JMJD1C: variants seen among roughly 807,000 people sequenced by gnomAD.
JMJD1C encodes the protein jumonji domain-containing protein 1C.
In JMJD1C, 31 loss-of-function variants were observed where a neutral mutation model predicts 245.3. The observed-to-expected ratio is 0.13, with a 90% CI of 0.09 to 0.17. JMJD1C has a LOEUF of 0.17. Among genes scored for constraint, JMJD1C ranks in the 10% least tolerant of loss-of-function variants. JMJD1C has a pLI of 1.00. For missense variants in JMJD1C, 2,691 were observed against 3,000.2 expected (o/e 0.90, Z 2.41); for synonymous variants, 1,057 against 1,017.4 (o/e 1.04, Z -0.74).
intron 16 of JMJD1C, among the ~76,000 whole-genome samples, chr10:63,191,999 A>AAC (rs1844879201): frequency 2.0e-5 from 3 of 150,218 alleles, no homozygotes; most frequent in African/African-American, 7.3e-5. Flanking sequence ...AAAAAAAAAA[A>AAC]AAAAAAAAAA....
intron 3 of JMJD1C, among the ~76,000 whole-genome samples, chr10:63,255,013 CCTG>C (rs1190743771): frequency 2.0e-5 from 3 of 151,906 alleles, no homozygotes; most frequent in Non-Finnish European, 4.4e-5. Flanking sequence ...ACCACCATGC[CCTG>C]CTAATTTTAT....
At chr10:63,218,394 T>C (rs996994568) in intron 4 of JMJD1C, among the ~76,000 whole-genome samples, 2 of 152,134 alleles carry the variant, frequency 1.3e-5, no homozygotes, top group Admixed American at 6.5e-5. Context: ...AAAGTGAAGA[T>C]GTTGACTGGC....
intron 2 of JMJD1C, among the ~76,000 whole-genome samples, chr10:63,333,202 C>T (rs576616763): frequency 2.6e-5 from 4 of 151,950 alleles, no homozygotes; most frequent in African/African-American, 9.7e-5. Context: ...ATTTTTAAAA[C>T]AAATCACATA....
At chr10:63,387,466 GAC>G (rs1175735657) in intron 1 of JMJD1C, among the ~76,000 whole-genome samples, 4 of 151,440 alleles carry the variant, frequency 2.6e-5, no homozygotes, top group Non-Finnish European at 5.9e-5. Flanking sequence ...TCACCAAAGA[GAC>G]AGCATAAAAA....
chr10:63,189,422 G>A lies in JMJD1C; in HGVS notation c.6316C>T (p.Pro2106Ser). The A allele has an allele frequency of 6.2e-7, 1 of 1,612,788 alleles. No homozygotes were observed. The highest frequency in any genetic ancestry group is 8.5e-7 in the Non-Finnish European group (1 of 1,179,604). ...GCAATTATGTCATCAAGAATGTTAG[G>A]CATAGTCCGTCCACTTTTGCTACTC... ...APSSKSGRTMPNILDDIIASV... is the reference protein window; with the variant it reads ...APSSKSGRTMSNILDDIIASV... Residue 2106 changes from proline (P) to serine (S), a missense_variant, in exon 18 of 26, where the codon CCT becomes TCT. Physicochemically the swap from Pro to Ser is moderately conservative, Grantham distance 74. This residue lies in a region of JMJD1C where 275 missense variants were observed against 285.5 expected (regional missense o/e 0.96). Coordinates refer to ENST00000399262, the MANE Select transcript of JMJD1C (RefSeq NM_032776.3).
intron 2 of JMJD1C, among the ~76,000 whole-genome samples, chr10:63,297,090 T>C (rs1859518811): frequency 6.6e-6 from 1 of 152,140 alleles, no homozygotes. Context: ...TCCTGAAAAG[T>C]ATATGCAGTT....
Position 63,214,340 on chromosome 10 carries a change from C to G in JMJD1C, c.1827G>C (p.Met609Ile). ...YISPLSAVSV[M>I]EDKLHKRSPP... ...GACTTCGCTTATGCAGCTTATCTTC[C>G]ATGACAGAAACTGCACTTAAAGGAG... Residue 609 changes from methionine to isoleucine, a missense_variant, in exon 8 of 26, where the codon ATG becomes ATC. Met to Ile is a conservative substitution (Grantham distance 10, BLOSUM62 1). Coordinates refer to ENST00000399262, the MANE Select transcript of JMJD1C (RefSeq NM_032776.3). 1.2e-6 allele frequency: 2 copies of G among 1,614,028 alleles called. 1 individual carries two copies. Among genetic ancestry groups the G allele is most frequent in the Non-Finnish European group, 1.7e-6 (2 of 1,179,964 alleles).
chr10:63,440,365 TAGAG>T lies in JMJD1C; in HGVS notation c.168+25126_168+25129del, dbSNP rs56364516. On this transcript the variant is annotated intron_variant, in intron 1 of 25. Coordinates refer to ENST00000399262, the MANE Select transcript of JMJD1C (RefSeq NM_032776.3). ...GAAAAAAAAAAAAAATATATATATA[TAGAG>T]AGAGAGAGAGAGAGAGAGAGCGCAA... Among the ~76,000 whole-genome samples, 664 of 138,258 alleles carry T rather than the reference TAGAG, an allele frequency of 4.8e-3. 3 individuals are homozygous for T. Among genetic ancestry groups the T allele is most frequent in the Non-Finnish European group, 6.9e-3 (446 of 64,616 alleles). The allele number at this position is 138,258 out of a possible 152,430, so 90.7% of individuals were successfully genotyped here. A position where few individuals can be genotyped will look rare whatever the true frequency, so the allele number is the denominator to read the frequency against.
At chr10:63,467,702 G>C (rs1434820512), upstream of JMJD1C, among the ~76,000 whole-genome samples, 2 of 152,208 alleles carry the variant, frequency 1.3e-5, no homozygotes, top group Non-Finnish European at 2.9e-5. Flanking sequence ...TCTAAAATCA[G>C]TGTAGATTAA....
intron 2 of JMJD1C, among the ~76,000 whole-genome samples, chr10:63,291,518 C>T (rs1019036653): frequency 1.2e-4 from 16 of 137,098 alleles, no homozygotes; most frequent in Non-Finnish European, 2.1e-4. Flanking sequence ...GGGAGGCTGA[C>T]GCAGGAGAAT....
intron 1 of JMJD1C, among the ~76,000 whole-genome samples, chr10:63,398,649 T>TAA (rs1564878264): frequency 7.1e-6 from 1 of 141,518 alleles, no homozygotes; most frequent in African/African-American, 2.5e-5. Context: ...AAAAAAATTT[T>TAA]TTTTTTTTTT....
intron 2 of JMJD1C, among the ~76,000 whole-genome samples, chr10:63,290,103 T>C (rs1164839509): frequency 1.3e-5 from 2 of 151,568 alleles, no homozygotes; most frequent in Admixed American, 6.6e-5. Context: ...CCAAAAGAAG[T>C]TTGGGTCAAA....
At chr10:63,235,549 G>T (rs1052300870) in intron 3 of JMJD1C, among the ~76,000 whole-genome samples, 3 of 152,032 alleles carry the variant, frequency 2.0e-5, no homozygotes, top group African/African-American at 7.2e-5. Context: ...CCAAAATTCA[G>T]TCAATTCCCT....
intron 3 of JMJD1C, among the ~76,000 whole-genome samples, chr10:63,249,513 A>G (rs1351626673): frequency 6.6e-6 from 1 of 152,202 alleles, no homozygotes; most frequent in East Asian, 1.9e-4. Flanking sequence ...ACAACAATCT[A>G]TTGTGTATTT....
Position 63,265,995 on chromosome 10 carries a change from T to C in JMJD1C, c.334-1231A>G, listed in dbSNP as rs1589333910. Among the ~76,000 whole-genome samples the C allele has an allele frequency of 2.0e-5, 3 of 152,180 alleles. No homozygotes were observed. In the East Asian group the frequency reaches 5.8e-4, roughly 29 times the overall value. On this transcript the variant is annotated intron_variant, in intron 2 of 25. Transcript: ENST00000399262. ...GTGGCTTTTAAGGAGTTAATTTCTA[T>C]ATTTAAGAAATTCCTAAGAGGAATT...
chr10:63,519,378 C>CCAA (rs1294379837), intron 1 of JMJD1C, among the ~76,000 whole-genome samples: 1 of 152,174 alleles, frequency 6.6e-6, no homozygotes, highest in Admixed American at 6.5e-5. Context: ...TAAGAGACTT[C>CCAA]CAATGTACGT....
chr10:63,396,797 A>G (rs76544100), intron 1 of JMJD1C, among the ~76,000 whole-genome samples: 3,662 of 151,944 alleles, frequency 0.024, 68 homozygotes, highest in Non-Finnish European at 0.037. Context: ...CCTTAGATTC[A>G]GCAAAAAAAA....
At chr10:63,506,106 T>A (rs1828389504) in intron 1 of JMJD1C, among the ~76,000 whole-genome samples, 1 of 152,214 alleles carries the variant, frequency 6.6e-6, no homozygotes, top group African/African-American at 2.4e-5. Context: ...ACTTTCTTAG[T>A]GTGACATGCC....
At position 63,171,020 on chromosome 10, in the gene JMJD1C, T is replaced by C. The variant is rs535964293; in HGVS notation, c.7402-2454A>G. ...CTGTGATTGCTATTTACTCAGTTAT[T>C]TGTGAGAACTTAGTGTGGAAAGATT... On this transcript the variant is annotated intron_variant, in intron 24 of 25. Transcript: ENST00000399262. Among the ~76,000 whole-genome samples the C allele has an allele frequency of 4.3e-4, 66 of 152,330 alleles. 1 individual carries two copies. Among genetic ancestry groups the C allele is most frequent in the Non-Finnish European group, 7.4e-5 (5 of 68,020 alleles).
Sources: allele counts gnomAD v4.1 joint callset (sites outside exome capture counted in the v4.1 genomes callset), GRCh38; gene constraint gnomAD v4.1.1; regional missense constraint gnomAD v4.1.1; transcripts MANE v1.5; gene names NCBI Gene and HGNC (gene_info 2026-07-23, HGNC 2026-07-21).